Variants in CYRIA observed in about 807,000 individuals in gnomAD.
The protein encoded by CYRIA is CYFIP-related Rac1 interactor A.
CYRIA carries 15 observed loss-of-function variants against 43.9 expected under a neutral mutation model. That is an observed-to-expected ratio of 0.34 (90% CI 0.23 to 0.53). The LOEUF (loss-of-function observed/expected upper bound fraction) is 0.53, where lower values mean the gene tolerates loss of function less well. Ranked by LOEUF, CYRIA falls within the 20% of genes least tolerant of loss-of-function variation. CYRIA has a pLI of 0.94. For synonymous variants in CYRIA, 117 were observed against 136.0 expected (o/e 0.86, Z 0.97); for missense variants, 236 against 394.2 (o/e 0.60, Z 3.40).
At chr2:16,658,167 T>C (rs1670165695) in intron 1 of CYRIA, among the ~76,000 whole-genome samples, 2 of 152,170 alleles carry the variant, frequency 1.3e-5, no homozygotes, top group East Asian at 1.9e-4. Flanking sequence ...TAGGAAATAA[T>C]GTGGCTAGGT....
At chr2:16,575,109 G>A (rs1333092766) in intron 3 of CYRIA, among the ~76,000 whole-genome samples, 1 of 152,198 alleles carries the variant, frequency 6.6e-6, no homozygotes, top group Non-Finnish European at 1.5e-5. Flanking sequence ...TGACCTGGAT[G>A]TGAGACATGG....
intron 1 of CYRIA, among the ~76,000 whole-genome samples, chr2:16,644,403 C>T (rs700423): frequency 0.54 from 82,049 of 151,900 alleles, 25,673 homozygotes; most frequent in African/African-American, 0.88. Flanking sequence ...AACTTCAGTG[C>T]CTAGTCATAC....
In CYRIA at chr2:16,561,154, C is replaced by T. The variant is rs759213194; in HGVS notation, c.630+7G>A. 1 of 1,612,570 alleles carries T rather than the reference C, an allele frequency of 6.2e-7. No homozygotes were observed. The highest frequency in any genetic ancestry group is 1.1e-5 in the South Asian group (1 of 91,056). On this transcript the variant is annotated splice_region_variant and intron_variant, in intron 8 of 11. Transcript: ENST00000381323. Reference sequence around the variant, plus strand: ...AAAAAAGCACCTCGTTGCTCAACTTCACTTACTTCAGAGACAAAGTGCATT... The same window carrying T: ...AAAAAAGCACCTCGTTGCTCAACTTTACTTACTTCAGAGACAAAGTGCATT...
At chr2:16,632,834 G>T (rs965879829) in intron 1 of CYRIA, among the ~76,000 whole-genome samples, 2 of 152,116 alleles carry the variant, frequency 1.3e-5, no homozygotes, top group African/African-American at 4.8e-5. Context: ...AGCTGCTCTT[G>T]TTCCTAGGCT....
intron 2 of CYRIA, among the ~76,000 whole-genome samples, chr2:16,590,581 A>G (rs1572486580): frequency 6.6e-6 from 1 of 152,214 alleles, no homozygotes; most frequent in African/African-American, 2.4e-5. Flanking sequence ...TTTGAAACTC[A>G]TAACAGATAG....
In CYRIA at chr2:16,565,667, G is replaced by T; in HGVS notation, c.171C>A (p.Gly57=). Reference sequence around the variant, plus strand: ...ATACATCTCGGATCTCTGGGCCTGCGCCTTTGTAAGCCTGCAGGTCTGCAA... The same window carrying T: ...ATACATCTCGGATCTCTGGGCCTGCTCCTTTGTAAGCCTGCAGGTCTGCAA... ...SILADLQAYK[G]AGPEIRDAIQ... The change falls in exon 4 of 12, where the codon GGC becomes GGA. Residue 57 remains glycine, a synonymous_variant. Transcript: ENST00000381323. 1.3e-6 allele frequency: 2 copies of T among 1,580,666 alleles called. No homozygotes were observed. The highest frequency in any genetic ancestry group is 1.7e-6 in the Non-Finnish European group (2 of 1,154,982).
In CYRIA at chr2:16,550,064, T is replaced by G. The variant is rs928432299; in HGVS notation, c.*2872A>C. On this transcript the variant is annotated 3_prime_UTR_variant, in exon 12 of 12. Coordinates refer to ENST00000381323, the MANE Select transcript of CYRIA (RefSeq NM_030797.4). ...GCACAACGAGTTTCTGAGAACACAG[T>G]AATAACGCCAAAGTAGCAGTGCATC... 18 of 151,492 alleles carry G rather than the reference T, an allele frequency of 1.2e-4. No individual in the cohort carries two copies. The highest frequency in any genetic ancestry group is 4.1e-4 in the African/African-American group (17 of 41,340). 9.4% of individuals were successfully genotyped at this position (151,492 alleles called of 1,614,324 possible). A position where few individuals can be genotyped will look rare whatever the true frequency, so the allele number is the denominator to read the frequency against.
chr2:16,603,042 G>A (rs950237050), intron 2 of CYRIA, among the ~76,000 whole-genome samples: 1 of 152,108 alleles, frequency 6.6e-6, no homozygotes, highest in African/African-American at 2.4e-5. Context: ...GCTGCCGGCA[G>A]AGCCATTTTC....
intron 10 of CYRIA, among the ~76,000 whole-genome samples, chr2:16,556,487 G>A (rs1419056944): frequency 7.9e-5 from 12 of 152,146 alleles, no homozygotes; most frequent in Admixed American, 3.9e-4. Context: ...TGTGGAAGGG[G>A]TGGAAGAGCA....
chr2:16,568,692 G>A (rs1667030183), intron 3 of CYRIA, among the ~76,000 whole-genome samples: 1 of 152,292 alleles, frequency 6.6e-6, no homozygotes, highest in African/African-American at 2.4e-5. Context: ...TCCTAGAGAT[G>A]TATGTATTTG....
intron 2 of CYRIA, among the ~76,000 whole-genome samples, chr2:16,612,169 G>C (rs1668628466): frequency 6.6e-6 from 1 of 152,182 alleles, no homozygotes. Context: ...CAGGGAATGT[G>C]TGTGGCTGAA....
intron 2 of CYRIA, among the ~76,000 whole-genome samples, chr2:16,614,343 T>C (rs1558427335): frequency 6.6e-6 from 1 of 152,222 alleles, no homozygotes; most frequent in Non-Finnish European, 1.5e-5. Flanking sequence ...CCTGTTTAGA[T>C]TGATAAGCCA....
intron 4 of CYRIA, among the ~76,000 whole-genome samples, chr2:16,564,351 T>A (rs1666854538): frequency 6.6e-6 from 1 of 152,166 alleles, no homozygotes; most frequent in Non-Finnish European, 1.5e-5. Context: ...ATACAAAAAA[T>A]TCACATCTAA....
At chr2:16,663,912 G>A (rs1045797402) in intron 1 of CYRIA, among the ~76,000 whole-genome samples, 12 of 152,234 alleles carry the variant, frequency 7.9e-5, no homozygotes, top group African/African-American at 1.4e-4. Flanking sequence ...ACAGAGATGC[G>A]TGTATGTCAG....
At chr2:16,565,801 G>A (rs1340132792) in intron 3 of CYRIA, 34 bp from the exon 4 acceptor site, 3 of 1,508,232 alleles carry the variant, frequency 2.0e-6, no homozygotes, top group Non-Finnish European at 2.7e-6. Context: ...ACAGAGTGCT[G>A]GTGTTTACAA....
chr2:16,638,642 G>T (rs1669576021), intron 1 of CYRIA, among the ~76,000 whole-genome samples: 1 of 152,216 alleles, frequency 6.6e-6, no homozygotes, highest in South Asian at 2.1e-4. Context: ...CGCACATGAG[G>T]CAGGGGCTGG....
chr2:16,602,224 G>T (rs958660790), intron 2 of CYRIA, among the ~76,000 whole-genome samples: 2 of 152,186 alleles, frequency 1.3e-5, no homozygotes, highest in Non-Finnish European at 2.9e-5. Context: ...AGAAGGGATA[G>T]ATTTTCTTAT....
intron 2 of CYRIA, among the ~76,000 whole-genome samples, chr2:16,614,259 T>A (rs1668702611): frequency 6.6e-6 from 1 of 152,202 alleles, no homozygotes; most frequent in South Asian, 2.1e-4. Flanking sequence ...AGGTACAAGT[T>A]GCTCCCATGG....
At chr2:16,615,702 C>A (rs764141569) in intron 2 of CYRIA, among the ~76,000 whole-genome samples, 1 of 152,210 alleles carries the variant, frequency 6.6e-6, no homozygotes, top group East Asian at 1.9e-4. Context: ...ACAAAAATAT[C>A]TGTTATAATA....
Sources: allele counts gnomAD v4.1 joint callset (sites outside exome capture counted in the v4.1 genomes callset), GRCh38; gene constraint gnomAD v4.1.1; transcripts MANE v1.5; gene names NCBI Gene and HGNC (gene_info 2026-07-23, HGNC 2026-07-21).